The following CHN1 variants were observed in gnomAD, a reference collection of about 807,000 sequenced individuals.
CHN1 encodes chimerin 1, also known as N-chimaerin.
In CHN1, 37 loss-of-function variants were observed where a neutral mutation model predicts 59.5. The observed-to-expected ratio is 0.62, with a 90% CI of 0.48 to 0.82. The LOEUF (loss-of-function observed/expected upper bound fraction) is 0.82. Among genes scored for constraint, CHN1 ranks in the 40% least tolerant of loss-of-function variants. CHN1 has a pLI of 0.00. For missense variants in CHN1, 469 were observed against 571.0 expected, an observed-to-expected ratio of 0.82 and a Z score of 1.82; for synonymous variants, 206 against 200.4, an observed-to-expected ratio of 1.03 and a Z score of -0.24.
chr2:174,980,509 G>A (rs2105448858), intron 1 of CHN1, among the ~76,000 whole-genome samples: 1 of 152,022 alleles, frequency 6.6e-6, no homozygotes, highest in South Asian at 2.1e-4. Context: ...TTTTAAAATT[G>A]TTTTCAAATA....
intron 9 of CHN1, 50 bp downstream of exon 9, chr2:174,812,259 G>C: frequency 6.5e-7 from 1 of 1,529,324 alleles, no homozygotes; most frequent in Non-Finnish European, 8.9e-7. Context: ...ATCAGGATTG[G>C]TACTGGTAGT....
chr2:174,823,595 G>A (rs929357636), intron 8 of CHN1, among the ~76,000 whole-genome samples: 2 of 151,900 alleles, frequency 1.3e-5, no homozygotes, highest in South Asian at 2.1e-4. Flanking sequence ...CCTGGGAGGC[G>A]GAGCTTGCAG....
intron 1 of CHN1, among the ~76,000 whole-genome samples, chr2:174,960,716 G>T (rs1332702384): frequency 6.6e-6 from 1 of 152,132 alleles, no homozygotes; most frequent in Non-Finnish European, 1.5e-5. Context: ...CAGCTACTCG[G>T]GAGGCTGAGG....
At chr2:174,998,599 A>G (rs755175891) in intron 1 of CHN1, among the ~76,000 whole-genome samples, 1 of 152,168 alleles carries the variant, frequency 6.6e-6, no homozygotes, top group Non-Finnish European at 1.5e-5. Context: ...ATAAAAAACA[A>G]TGAGGTGGCT....
chr2:174,981,154 T>C (rs1691135163), intron 1 of CHN1, among the ~76,000 whole-genome samples: 1 of 152,210 alleles, frequency 6.6e-6, no homozygotes, highest in African/African-American at 2.4e-5. Flanking sequence ...CCTGGATCTT[T>C]CACTTCGAGT....
chr2:174,800,380 A>G (rs914621223), intron 12 of CHN1, 93 bp from the exon 13 acceptor site: 2 of 1,018,782 alleles, frequency 2.0e-6, no homozygotes, highest in Non-Finnish European at 2.7e-6. Flanking sequence ...TCACAATAAA[A>G]GTTTGCGTCC....
At chr2:174,839,697 G>A (rs1459605622) in intron 7 of CHN1, among the ~76,000 whole-genome samples, 1 of 151,158 alleles carries the variant, frequency 6.6e-6, no homozygotes, top group African/African-American at 2.4e-5. Context: ...TCGATTTCCT[G>A]GGCCCCAGTG....
intron 5 of CHN1, among the ~76,000 whole-genome samples, chr2:174,884,863 A>AC: frequency 6.6e-6 from 1 of 152,314 alleles, no homozygotes; most frequent in East Asian, 1.9e-4. Flanking sequence ...ACTTTAAAGC[A>AC]CCAGAGACTG....
intron 1 of CHN1, among the ~76,000 whole-genome samples, chr2:174,958,197 C>A (rs953952079): frequency 6.6e-6 from 1 of 150,908 alleles, no homozygotes; most frequent in Non-Finnish European, 1.5e-5. Flanking sequence ...GGAGGGTGGG[C>A]ATGTGTCCTG....
intron 1 of CHN1, among the ~76,000 whole-genome samples, chr2:174,984,000 T>C (rs1317213674): frequency 2.0e-5 from 3 of 151,456 alleles, no homozygotes; most frequent in South Asian, 2.1e-4. Flanking sequence ...TGGTCTCAAA[T>C]GTGGACTATA....
At position 174,799,564 on chromosome 2, in the gene CHN1, T is replaced by C. The variant is rs1684647561; in HGVS notation, c.*552A>G. On this transcript the variant is annotated 3_prime_UTR_variant, in exon 13 of 13. Transcript: ENST00000409900. ...ACAAATCTGAAAACACATTTTGCTT[T>C]TGCTGGAAAGAAAGTACTATGTTAG... 1 of 524,520 alleles carries C rather than the reference T, an allele frequency of 1.9e-6. No individual in the cohort carries two copies. Among genetic ancestry groups the C allele is most frequent in the Non-Finnish European group, 3.7e-6 (1 of 270,376 alleles). 32.5% of individuals were successfully genotyped at this position (524,520 alleles called of 1,614,324 possible).
chr2:174,998,832 T>A lies in CHN1; in HGVS notation c.19+6062A>T, dbSNP rs184505278. 3.9e-4 allele frequency among the ~76,000 whole-genome samples: 59 copies of A among 152,346 alleles called. 2 individuals carry two copies. In the East Asian group the frequency reaches 0.011, roughly 28 times the overall value. On this transcript the variant is annotated intron_variant, in intron 1 of 12. Coordinates refer to ENST00000409900, the MANE Select transcript of CHN1 (RefSeq NM_001822.7). Reference sequence around the variant, plus strand: ...AAAAATGTAAAAAGCTCTTAAAGGTTCTTGGATATAAAACCATTCTTTTCT... The same window carrying A: ...AAAAATGTAAAAAGCTCTTAAAGGTACTTGGATATAAAACCATTCTTTTCT...
rs186685061 is a variant in CHN1 at position 174,885,541 on chromosome 2, C to T, written c.261-7413G>A. Among the ~76,000 whole-genome samples the T allele has an allele frequency of 2.0e-5, 3 of 152,104 alleles. No homozygotes were observed. The East Asian group carries it at 5.8e-4, about 29-fold the overall frequency. Reference sequence around the variant, plus strand: ...GAGACAGAGTCTCCCTGACCTCAGGCTGGAGTGCAGTGGCATAATCTTGGC... The same window carrying T: ...GAGACAGAGTCTCCCTGACCTCAGGTTGGAGTGCAGTGGCATAATCTTGGC... On this transcript the variant is annotated intron_variant, in intron 5 of 12. Transcript: ENST00000409900.
At chr2:174,891,372 C>A (rs1485677730) in intron 5 of CHN1, among the ~76,000 whole-genome samples, 1 of 150,996 alleles carries the variant, frequency 6.6e-6, no homozygotes, top group Non-Finnish European at 1.5e-5. Flanking sequence ...GAGTTCAAGA[C>A]CAGCCTGGCC....
rs1477006484 is a variant in CHN1, at chr2:174,799,719, A to G, written c.*397T>C. Reference sequence around the variant, plus strand: ...GTGTTTGTACAAGCATCAGAAACCAATGACATAGACCCCAAAAGCAAAGTC... The same window carrying G: ...GTGTTTGTACAAGCATCAGAAACCAGTGACATAGACCCCAAAAGCAAAGTC... On this transcript the variant is annotated 3_prime_UTR_variant, in exon 13 of 13. Transcript: ENST00000409900. 5.6e-6 allele frequency: 3 copies of G among 535,400 alleles called. No individual in the cohort carries two copies. The highest frequency in any genetic ancestry group is 1.1e-5 in the Non-Finnish European group (3 of 277,294). The allele number at this position is 535,400 out of a possible 1,614,324, so 33.2% of individuals were successfully genotyped here.
At chr2:174,924,684 A>C (rs978205019) in intron 3 of CHN1, among the ~76,000 whole-genome samples, 16 of 152,232 alleles carry the variant, frequency 1.1e-4, no homozygotes, top group African/African-American at 3.6e-4. Context: ...ATATAACAGT[A>C]CTTGGATAAT....
intron 1 of CHN1, among the ~76,000 whole-genome samples, chr2:174,968,669 G>A (rs1353980692): frequency 3.9e-5 from 6 of 152,238 alleles, no homozygotes; most frequent in African/African-American, 1.2e-4. Context: ...GTTTCTTGCT[G>A]ACACTTGCAT....
In CHN1 at chr2:174,824,531, A is replaced by G; in HGVS notation, c.628-13T>C. On this transcript the variant is annotated splice_polypyrimidine_tract_variant and intron_variant, in intron 7 of 12. Transcript: ENST00000409900. ...TGAATGTATGCACCTGAAAAAAAAA[A>G]AGAGGGGCAAAGTCAGGAAAGGGGA... The G allele has an allele frequency of 6.4e-7, 1 of 1,565,626 alleles. No homozygotes were observed. The highest frequency in any genetic ancestry group is 8.7e-7 in the Non-Finnish European group (1 of 1,152,364).
At chr2:174,980,249 T>C (rs917851237) in intron 1 of CHN1, among the ~76,000 whole-genome samples, 25 of 152,198 alleles carry the variant, frequency 1.6e-4, no homozygotes, top group African/African-American at 5.5e-4. Flanking sequence ...AAAAAAGTTT[T>C]CACTCTAGAA....
Sources: gnomAD v4.1 joint callset for allele counts (sites outside exome capture counted in the v4.1 genomes callset) on GRCh38, gnomAD v4.1.1 for gene constraint, MANE v1.5 for transcripts, NCBI Gene and HGNC (gene_info 2026-07-23, HGNC 2026-07-21) for gene names.